The following IMPG2 variants were observed in gnomAD, a reference collection of about 807,000 sequenced individuals.
The protein encoded by IMPG2 is IPM 200.
IMPG2 carries 91 observed loss-of-function variants against 129.2 expected under a neutral mutation model. The ratio of observed to expected loss-of-function variants is 0.70; its 90% CI spans 0.59 to 0.84. The LOEUF is 0.84. Ranked by LOEUF, IMPG2 falls within the 40% of genes least tolerant of loss-of-function variation. The probability of loss-of-function intolerance (pLI) is 0.00; values close to 1 mark genes in which losing one functional copy is unlikely to be tolerated. For missense variants in IMPG2, 1,430 were observed against 1,461.7 expected (o/e 0.98, Z 0.35); for synonymous variants, 510 against 517.7 (o/e 0.99, Z 0.20).
chr3:101,235,494 TAG>T (rs1437736263), intron 14 of IMPG2, among the ~76,000 whole-genome samples: 1 of 152,170 alleles, frequency 6.6e-6, no homozygotes, highest in East Asian at 1.9e-4. Flanking sequence ...GTGAGAAAAA[TAG>T]AGTCTATCTT....
chr3:101,299,252 A>G (rs546247800), intron 3 of IMPG2, among the ~76,000 whole-genome samples: 1 of 152,284 alleles, frequency 6.6e-6, no homozygotes, highest in South Asian at 2.1e-4. Flanking sequence ...GGTCATTTAC[A>G]TTCCTCTCTC....
Position 101,319,838 on chromosome 3 carries a change from G to T in IMPG2, c.86-6C>A. The stretch of plus-strand genomic sequence containing the variant: ...TATAGATAAGTAGGTTTGTGCTACA[G>T]AGTGAAAGTATAGTCAAGTCTTCGA... On this transcript the variant is annotated splice_polypyrimidine_tract_variant and splice_region_variant and intron_variant, in intron 1 of 18. Coordinates refer to ENST00000193391, the MANE Select transcript of IMPG2 (RefSeq NM_016247.4). The T allele has an allele frequency of 6.2e-7, 1 of 1,610,134 alleles. No individual in the cohort carries two copies. The highest frequency in any genetic ancestry group is 1.1e-5 in the South Asian group (1 of 91,050).
chr3:101,261,358 G>A (rs753364287), intron 9 of IMPG2, among the ~76,000 whole-genome samples: 2 of 152,138 alleles, frequency 1.3e-5, no homozygotes, highest in Non-Finnish European at 2.9e-5. Flanking sequence ...ATCAGACAAG[G>A]AGAGTCAAGC....
chr3:101,257,701 G>A lies in IMPG2; in HGVS notation c.981C>T (p.Ser327=), dbSNP rs1288683184. 6.8e-6 allele frequency: 11 copies of A among 1,613,354 alleles called. No individual in the cohort carries two copies. The highest frequency in any genetic ancestry group is 1.1e-5 in the South Asian group (1 of 91,070). Residue 327 remains serine (S), a synonymous_variant, in exon 10 of 19, where the codon AGC becomes AGT. Transcript: ENST00000193391. ...AISNTTWDLI[S]LHSNKVENHG... is the part of the protein sequence containing the mutation. ...GGTTTTCCACCTTGTTGGAGTGAAG[G>A]CTAATGAGGTCCCAGGTGGTATTGC...
rs531626095 is a variant in IMPG2, at chr3:101,266,774, C to G, written c.908+737G>C. ...AGACATGCAGACCTTGTACCCAGCACCCCTCCTGCATGCCTCCCATTCCAA... is the reference window on the plus strand; with the variant it reads ...AGACATGCAGACCTTGTACCCAGCAGCCCTCCTGCATGCCTCCCATTCCAA... On this transcript the variant is annotated intron_variant, in intron 9 of 18. Transcript: ENST00000193391. 9.7e-4 allele frequency among the ~76,000 whole-genome samples: 148 copies of G among 152,258 alleles called. 2 individuals carry two copies. Among genetic ancestry groups the G allele is most frequent in the African/African-American group, 3.1e-3 (130 of 41,544 alleles).
chr3:101,224,591 G>T lies in IMPG2; in HGVS notation c.*2378C>A, dbSNP rs1706201608. 1 of 152,194 alleles carries T rather than the reference G, an allele frequency of 6.6e-6. No individual in the cohort carries two copies. Among genetic ancestry groups the T allele is most frequent in the African/African-American group, 2.4e-5 (1 of 41,450 alleles). 9.4% of individuals were successfully genotyped at this position (152,194 alleles called of 1,614,324 possible). ...TTTAGAAAGAAGCTCTTTAGGGGTA[G>T]TTTTTTCCATCAAACTAATAGCTCC... On this transcript the variant is annotated 3_prime_UTR_variant, in exon 19 of 19. Coordinates refer to ENST00000193391, the MANE Select transcript of IMPG2 (RefSeq NM_016247.4).
chr3:101,236,133 G>A (rs1341954825), intron 14 of IMPG2, among the ~76,000 whole-genome samples: 6 of 152,170 alleles, frequency 3.9e-5, no homozygotes, highest in African/African-American at 1.4e-4. Flanking sequence ...ATTTGCATTA[G>A]GTTAACACCA....
In IMPG2 at chr3:101,243,010, C is replaced by G. The variant is rs950437425; in HGVS notation, c.2803-103G>C. Reference sequence around the variant, plus strand: ...AAAACACAGGTAAGACCCTGCCTCACTTTTCCTAATTGTATTTTATCTACA... The same window carrying G: ...AAAACACAGGTAAGACCCTGCCTCAGTTTTCCTAATTGTATTTTATCTACA... On this transcript the variant is annotated intron_variant, in intron 13 of 18. Coordinates refer to ENST00000193391, the MANE Select transcript of IMPG2 (RefSeq NM_016247.4). 97 of 876,632 alleles carry G rather than the reference C, an allele frequency of 1.1e-4. 1 individual carries two copies. Among genetic ancestry groups the G allele is most frequent in the Admixed American group, 1.5e-4 (8 of 53,196 alleles). 54.3% of individuals were successfully genotyped at this position (876,632 alleles called of 1,614,324 possible). A position where few individuals can be genotyped will look rare whatever the true frequency, so the allele number is the denominator to read the frequency against.
chr3:101,301,862 C>T (rs1349761549), intron 3 of IMPG2, among the ~76,000 whole-genome samples: 1 of 152,164 alleles, frequency 6.6e-6, no homozygotes, highest in African/African-American at 2.4e-5. Flanking sequence ...TATGTAGAAA[C>T]CGTAACGACC....
intron 18 of IMPG2, among the ~76,000 whole-genome samples, chr3:101,227,216 T>A (rs1371859707): frequency 4.6e-5 from 7 of 152,210 alleles, no homozygotes; most frequent in African/African-American, 1.7e-4. Context: ...TTCGGCTACC[T>A]GATAGATGAA....
At chr3:101,257,436 G>A (rs991701746) in intron 10 of IMPG2, 93 bp downstream of exon 10, 4 of 1,484,010 alleles carry the variant, frequency 2.7e-6, no homozygotes, top group Non-Finnish European at 3.7e-6. Context: ...CTAGAGAATG[G>A]TCAGAACCTT....
At chr3:101,251,592 G>A (rs1226130179) in intron 11 of IMPG2, among the ~76,000 whole-genome samples, 7 of 152,134 alleles carry the variant, frequency 4.6e-5, no homozygotes, top group Non-Finnish European at 7.4e-5. Context: ...TTCTGCTACC[G>A]CCAATTGAAA....
chr3:101,258,394 T>C (rs578644), intron 9 of IMPG2, among the ~76,000 whole-genome samples: 99,273 of 151,894 alleles, frequency 0.65, 32,600 homozygotes, highest in Admixed American at 0.7. Context: ...TAAGACTAAA[T>C]TGTAAAAAAA....
intron 2 of IMPG2, among the ~76,000 whole-genome samples, chr3:101,314,582 AC>A (rs1373479318): frequency 6.6e-6 from 1 of 151,930 alleles, no homozygotes; most frequent in Non-Finnish European, 1.5e-5. Context: ...AACTTCTATC[AC>A]CCCAGGCATG....
chr3:101,250,124 C>T (rs1016291493), intron 11 of IMPG2, among the ~76,000 whole-genome samples: 11 of 152,140 alleles, frequency 7.2e-5, no homozygotes, highest in Non-Finnish European at 1.3e-4. Flanking sequence ...CCTTACATAA[C>T]TCTATTCAGT....
chr3:101,257,382 G>C (rs1294871593), intron 10 of IMPG2, 147 bp downstream of exon 10: 2 of 915,656 alleles, frequency 2.2e-6, no homozygotes, highest in African/African-American at 1.7e-5. Context: ...TAGCTGCATG[G>C]CTAAAACTCC....
intron 4 of IMPG2, among the ~76,000 whole-genome samples, chr3:101,282,009 G>A (rs1370486973): frequency 6.6e-6 from 1 of 152,016 alleles, no homozygotes; most frequent in Non-Finnish European, 1.5e-5. Flanking sequence ...AAGCTGCCAA[G>A]GTCAGACTAA....
At chr3:101,291,198 G>T (rs1331323874) in intron 4 of IMPG2, among the ~76,000 whole-genome samples, 2 of 152,080 alleles carry the variant, frequency 1.3e-5, no homozygotes, top group African/African-American at 4.8e-5. Context: ...TCAACAATAG[G>T]TCACTCCATA....
intron 1 of IMPG2, among the ~76,000 whole-genome samples, 156 bp from the exon 2 acceptor site, chr3:101,319,988 C>T (rs1179759557): frequency 6.6e-6 from 1 of 152,058 alleles, no homozygotes; most frequent in African/African-American, 2.4e-5. Flanking sequence ...AGGAGTGAGG[C>T]AGTCCATCTT....
Sources: allele counts gnomAD v4.1 joint callset (sites outside exome capture counted in the v4.1 genomes callset), GRCh38; gene constraint gnomAD v4.1.1; transcripts MANE v1.5; gene names NCBI Gene and HGNC (gene_info 2026-07-23, HGNC 2026-07-21).